Variants in THSD7B observed in about 807,000 individuals in gnomAD.
THSD7B encodes thrombospondin type-1 domain-containing protein 7B.
Under a neutral mutation model 213.6 loss-of-function variants are expected in THSD7B, and 138 were observed. The ratio of observed to expected loss-of-function variants is 0.65; its 90% confidence interval spans 0.56 to 0.74. The LOEUF (loss-of-function observed/expected upper bound fraction) is 0.74, where lower values mean the gene tolerates loss of function less well. THSD7B is among the 30% of genes least tolerant of loss of function. THSD7B has a pLI of 0.00. For missense variants in THSD7B, 1,931 were observed against 1,991.5 expected (o/e 0.97, Z 0.58); for synonymous variants, 742 against 687.0 (o/e 1.08, Z -1.25).
chr2:136,916,594 A>C (rs1684352066), intron 2 of THSD7B, among the ~76,000 whole-genome samples: 1 of 152,144 alleles, frequency 6.6e-6, no homozygotes, highest in Non-Finnish European at 1.5e-5. Context: ...CATTCCACGG[A>C]GCGTTTTATT....
chr2:136,874,094 A>C (rs1321720723), intron 1 of THSD7B, among the ~76,000 whole-genome samples: 1 of 152,178 alleles, frequency 6.6e-6, no homozygotes, highest in African/African-American at 2.4e-5. Flanking sequence ...AACCTACATC[A>C]GGCTATAAAG....
chr2:137,272,456 T>C (rs1682768415), intron 10 of THSD7B, 77 bp from the exon 11 acceptor site: 1 of 1,427,782 alleles, frequency 7.0e-7, no homozygotes, highest in Non-Finnish European at 9.3e-7. Flanking sequence ...TCTCTCTTTT[T>C]TTTCAATTGC....
At chr2:137,656,688 G>A in intron 22 of THSD7B, 108 bp from the exon 23 acceptor site, 2 of 1,002,022 alleles carry the variant, frequency 2.0e-6, no homozygotes, top group South Asian at 1.8e-5. Flanking sequence ...GTAGTATCAG[G>A]AACTGCATGT....
At chr2:137,643,417 T>A (rs1265400526) in intron 21 of THSD7B, among the ~76,000 whole-genome samples, 32 of 152,234 alleles carry the variant, frequency 2.1e-4, no homozygotes, top group Non-Finnish European at 7.3e-5. Context: ...AGGATGACAT[T>A]GTCAGGCAAC....
intron 1 of THSD7B, among the ~76,000 whole-genome samples, chr2:136,806,159 C>T (rs1224132052): frequency 1.3e-5 from 2 of 152,192 alleles, no homozygotes; most frequent in Admixed American, 1.3e-4. Context: ...GCCAAGGCTA[C>T]TACTTTTTCA....
At chr2:137,371,017 T>C (rs955188275) in intron 12 of THSD7B, among the ~76,000 whole-genome samples, 2 of 152,158 alleles carry the variant, frequency 1.3e-5, no homozygotes, top group African/African-American at 4.8e-5. Context: ...AAAAATCTTA[T>C]TAAGAACAAA....
At chr2:136,886,978 A>T (rs1181629711) in intron 2 of THSD7B, among the ~76,000 whole-genome samples, 1 of 152,194 alleles carries the variant, frequency 6.6e-6, no homozygotes, top group Non-Finnish European at 1.5e-5. Flanking sequence ...AGTCCTAGAA[A>T]TGAAGAGATT....
chr2:137,493,949 A>G (rs1275892143), intron 15 of THSD7B, among the ~76,000 whole-genome samples: 4 of 152,174 alleles, frequency 2.6e-5, no homozygotes, highest in Non-Finnish European at 5.9e-5. Context: ...TTTATATGAA[A>G]TCAGCTGCTT....
chr2:137,526,677 G>C (rs1422440518), intron 15 of THSD7B, among the ~76,000 whole-genome samples: 1 of 152,130 alleles, frequency 6.6e-6, no homozygotes, highest in Admixed American at 6.5e-5. Flanking sequence ...ATCCACCTTA[G>C]CCTCCCAAAG....
chr2:137,606,296 G>C (rs1682175887), intron 17 of THSD7B, among the ~76,000 whole-genome samples: 1 of 152,138 alleles, frequency 6.6e-6, no homozygotes, highest in Admixed American at 6.5e-5. Context: ...AGAAAGAATG[G>C]ACCTAGATCG....
chr2:137,594,901 A>G (rs1483392017), intron 17 of THSD7B, among the ~76,000 whole-genome samples: 1 of 151,980 alleles, frequency 6.6e-6, no homozygotes, highest in Admixed American at 6.6e-5. Context: ...AATGTTTGAT[A>G]GTGTTCAGTG....
intron 7 of THSD7B, among the ~76,000 whole-genome samples, chr2:137,224,178 T>C (rs1681445613): frequency 6.6e-6 from 1 of 152,222 alleles, no homozygotes; most frequent in Non-Finnish European, 1.5e-5. Context: ...CTGTTTCTGC[T>C]CTTTCACATC....
chr2:136,955,829 A>G (rs1685114590), intron 2 of THSD7B, among the ~76,000 whole-genome samples: 1 of 151,872 alleles, frequency 6.6e-6, no homozygotes, highest in African/African-American at 2.4e-5. Flanking sequence ...AATTTTTTGT[A>G]TTTTTAGTAG....
chr2:137,207,166 G>T (rs6706338), intron 7 of THSD7B, among the ~76,000 whole-genome samples: 90,072 of 151,598 alleles, frequency 0.59, 27,121 homozygotes, highest in South Asian at 0.71. Flanking sequence ...ACTTTTCAGG[G>T]CTACCTATTG....
chr2:137,530,618 C>T (rs1315638106), intron 15 of THSD7B, among the ~76,000 whole-genome samples: 2 of 151,870 alleles, frequency 1.3e-5, no homozygotes, highest in Admixed American at 6.6e-5. Context: ...GTGAAGGGCA[C>T]ACAACTGCAG....
intron 5 of THSD7B, among the ~76,000 whole-genome samples, chr2:137,144,650 C>A (rs1211986107): frequency 6.6e-6 from 1 of 151,898 alleles, no homozygotes; most frequent in Non-Finnish European, 1.5e-5. Flanking sequence ...TGAGTGAAAA[C>A]ACACTAATAA....
intron 17 of THSD7B, among the ~76,000 whole-genome samples, chr2:137,606,207 T>C (rs958912880): frequency 6.6e-6 from 1 of 151,904 alleles, no homozygotes; most frequent in African/African-American, 2.4e-5. Context: ...CAAAGTGGCG[T>C]AGGAGAGTGA....
At chr2:137,143,755 A>G (rs1456202905) in intron 5 of THSD7B, among the ~76,000 whole-genome samples, 4 of 152,036 alleles carry the variant, frequency 2.6e-5, no homozygotes, top group African/African-American at 4.8e-5. Context: ...TTCATTCTGT[A>G]TCTTAGTATC....
At chr2:137,312,100 C>T (rs1275682040) in intron 12 of THSD7B, among the ~76,000 whole-genome samples, 3 of 151,206 alleles carry the variant, frequency 2.0e-5, no homozygotes, top group Non-Finnish European at 4.4e-5. Flanking sequence ...CCTCCTTGTA[C>T]CTCTGGTAGA....
Sources: gnomAD v4.1 joint callset for allele counts (sites outside exome capture counted in the v4.1 genomes callset) on GRCh38, gnomAD v4.1.1 for gene constraint, MANE v1.5 for transcripts, NCBI Gene and HGNC (gene_info 2026-07-23, HGNC 2026-07-21) for gene names.